Variants in IFT74 observed in about 807,000 individuals in gnomAD.
IFT74 encodes the protein intraflagellar transport protein 74 homolog.
A neutral mutation model predicts 96.7 loss-of-function variants in IFT74; 92 were observed. The observed-to-expected ratio is 0.95, with a 90% CI of 0.80 to 1.13. The LOEUF is 1.13. IFT74 is among the 50% of genes most tolerant of loss of function. The pLI is 0.00. For synonymous variants in IFT74, 223 were observed against 213.2 expected, an observed-to-expected ratio of 1.05 and a Z score of -0.40; for missense variants, 811 against 698.2, an observed-to-expected ratio of 1.16 and a Z score of -1.82.
intron 4 of IFT74, among the ~76,000 whole-genome samples, chr9:26,980,986 A>G (rs548806988): frequency 1.3e-5 from 2 of 152,306 alleles, no homozygotes; most frequent in East Asian, 3.9e-4. Flanking sequence ...AGGTGCCAGC[A>G]GCTTCAGTGT....
chr9:27,022,768 GAGTAGC>G (rs1829673153), intron 12 of IFT74, among the ~76,000 whole-genome samples: 1 of 151,450 alleles, frequency 6.6e-6, no homozygotes, highest in African/African-American at 2.4e-5. Context: ...TCAGCCTCCC[GAGTAGC>G]TGGGACTAAA....
At chr9:27,031,761 T>TAAAATAAA (rs1830137030) in intron 13 of IFT74, among the ~76,000 whole-genome samples, 1 of 146,220 alleles carries the variant, frequency 6.8e-6, no homozygotes, top group Admixed American at 6.8e-5. Context: ...TAAAATAAAA[T>TAAAATAAA]AAAATAAAAT....
intron 8 of IFT74, among the ~76,000 whole-genome samples, chr9:27,005,051 A>G (rs753840532): frequency 3.3e-5 from 5 of 152,200 alleles, no homozygotes; most frequent in Non-Finnish European, 5.9e-5. Context: ...TTAGATATTT[A>G]TGCCAGAATT....
intron 4 of IFT74, chr9:26,982,288 G>A (rs540087805): frequency 3.7e-5 from 13 of 352,966 alleles, no homozygotes; most frequent in South Asian, 1.4e-4. Flanking sequence ...TTTTTGAGAC[G>A]GAGTTTTGCT....
chr9:27,008,539 A>G (rs200745934), intron 8 of IFT74, among the ~76,000 whole-genome samples: 3 of 152,072 alleles, frequency 2.0e-5, no homozygotes, highest in East Asian at 3.9e-4. Context: ...TTGTACTTTT[A>G]GTAGAGATGG....
At chr9:26,948,913 T>G (rs1419974006) in intron 1 of IFT74, among the ~76,000 whole-genome samples, 1 of 152,198 alleles carries the variant, frequency 6.6e-6, no homozygotes, top group Non-Finnish European at 1.5e-5. Flanking sequence ...CTGTATGCTC[T>G]CCATGTCTCT....
intron 18 of IFT74, 36 bp downstream of exon 18, chr9:27,056,495 A>T (rs749901168): frequency 6.5e-7 from 1 of 1,545,530 alleles, no homozygotes; most frequent in Non-Finnish European, 8.7e-7. Flanking sequence ...AAATTGTCTT[A>T]GTCTATATTT....
At chr9:26,972,044 T>A (rs1052189888) in intron 2 of IFT74, among the ~76,000 whole-genome samples, 1 of 152,208 alleles carries the variant, frequency 6.6e-6, no homozygotes, top group African/African-American at 2.4e-5. Context: ...TAAATAAGTG[T>A]CACCCTGTCT....
intron 18 of IFT74, among the ~76,000 whole-genome samples, chr9:27,059,956 C>T (rs1830881351): frequency 6.6e-6 from 1 of 152,142 alleles, no homozygotes; most frequent in South Asian, 2.1e-4. Context: ...ACCAGAGTTA[C>T]AAGGTTAATT....
chr9:26,951,442 T>TG (rs1224991180), upstream of IFT74, among the ~76,000 whole-genome samples: 1 of 152,176 alleles, frequency 6.6e-6, no homozygotes, highest in African/African-American at 2.4e-5. Flanking sequence ...AACTTTGGGC[T>TG]GGTATAGCAC....
intron 12 of IFT74, among the ~76,000 whole-genome samples, chr9:27,019,809 C>G (rs1252193426): frequency 6.6e-6 from 1 of 151,832 alleles, no homozygotes; most frequent in Non-Finnish European, 1.5e-5. Context: ...AGTGGAATTG[C>G]TGACTCATGA....
chr9:26,995,675 A>G (rs942301150), intron 8 of IFT74: 12 of 1,613,910 alleles, frequency 7.4e-6, no homozygotes, highest in Non-Finnish European at 1.0e-5. Flanking sequence ...ATTTCCAGTA[A>G]AACCATCTTC....
chr9:26,995,765 G>T, intron 8 of IFT74: 1 of 1,613,696 alleles, frequency 6.2e-7, no homozygotes, highest in South Asian at 1.1e-5. Context: ...GCATTTGATA[G>T]CAATAAAAAT....
intron 1 of IFT74, among the ~76,000 whole-genome samples, chr9:26,948,764 G>A (rs1482895942): frequency 6.6e-6 from 1 of 151,772 alleles, no homozygotes; most frequent in East Asian, 1.9e-4. Flanking sequence ...CGCCTGGCCG[G>A]CTTTCCATTC....
intron 10 of IFT74, among the ~76,000 whole-genome samples, chr9:27,014,815 G>T (rs1246889283): frequency 6.6e-6 from 1 of 152,134 alleles, no homozygotes. Context: ...CACTGTGTTG[G>T]CCAGGCTGGT....
chr9:27,063,017 GT>G lies in IFT74; in HGVS notation c.*282del, dbSNP rs2131720617. The G allele has an allele frequency of 3.2e-6, 1 of 307,858 alleles. No homozygotes were observed. Among genetic ancestry groups the G allele is most frequent in the South Asian group, 4.5e-5 (1 of 22,146 alleles). 19.1% of individuals were successfully genotyped at this position (307,858 alleles called of 1,614,324 possible). A position where few individuals can be genotyped will look rare whatever the true frequency, so the allele number is the denominator to read the frequency against. On this transcript the variant is annotated 3_prime_UTR_variant, in exon 20 of 20. Transcript: ENST00000380062. ...GTGACCGTTGAAATTTATTTAGCTG[GT>G]ATAATCCATCTATGGCAACAAATGA...
chr9:27,023,692 C>A (rs914324188), intron 12 of IFT74, among the ~76,000 whole-genome samples: 5 of 151,968 alleles, frequency 3.3e-5, no homozygotes, highest in African/African-American at 4.8e-5. Flanking sequence ...AAGGAAGATT[C>A]CCTCTTTCTC....
At chr9:27,032,144 C>A (rs1032694125) in intron 13 of IFT74, among the ~76,000 whole-genome samples, 3 of 152,164 alleles carry the variant, frequency 2.0e-5, no homozygotes, top group Non-Finnish European at 4.4e-5. Flanking sequence ...AAATACTGAG[C>A]CTTTTGAAAT....
At chr9:27,049,866 ATATAT>A (rs1477323884) in intron 16 of IFT74, among the ~76,000 whole-genome samples, 1 of 152,198 alleles carries the variant, frequency 6.6e-6, no homozygotes, top group Non-Finnish European at 1.5e-5. Context: ...TAATGACAGT[ATATAT>A]TATATTTATA....
Sources: gnomAD v4.1 joint callset for allele counts (sites outside exome capture counted in the v4.1 genomes callset) on GRCh38, gnomAD v4.1.1 for gene constraint, MANE v1.5 for transcripts, NCBI Gene and HGNC (gene_info 2026-07-23, HGNC 2026-07-21) for gene names.